Variants in ANKRD36C observed in about 807,000 individuals in gnomAD.
The protein encoded by ANKRD36C is ankyrin repeat domain-containing protein 36C.
Under a neutral mutation model 276.4 loss-of-function variants are expected in ANKRD36C, and 61 were observed. The observed-to-expected ratio is 0.22, with a 90% CI of 0.18 to 0.27. The LOEUF (loss-of-function observed/expected upper bound fraction) is 0.27, where lower values mean the gene tolerates loss of function less well. Among genes scored for constraint, ANKRD36C ranks in the 10% least tolerant of loss-of-function variants. The pLI, the probability that ANKRD36C is intolerant of heterozygous loss-of-function variation, is 1.00. For synonymous variants in ANKRD36C, 483 were observed against 680.1 expected, an observed-to-expected ratio of 0.71 and a Z score of 4.51; for missense variants, 1,447 against 2,032.3, an observed-to-expected ratio of 0.71 and a Z score of 5.54.
chr2:95,944,938 G>C (rs936617681), intron 18 of ANKRD36C, among the ~76,000 whole-genome samples, 176 bp downstream of exon 18: 2 of 152,298 alleles, frequency 1.3e-5, no homozygotes, highest in African/African-American at 4.8e-5. Context: ...TCGGGAGGCT[G>C]AGGCAGGAGA....
intron 34 of ANKRD36C, 27 bp downstream of exon 36, chr2:95,919,706 T>C: frequency 1.3e-6 from 1 of 741,264 alleles, no homozygotes; most frequent in Non-Finnish European, 1.6e-6. Flanking sequence ...GGATTGAACA[T>C]GACATTGAAT....
chr2:95,890,346 T>C (rs530099551), intron 46 of ANKRD36C, among the ~76,000 whole-genome samples: 1 of 151,664 alleles, frequency 6.6e-6, no homozygotes, highest in South Asian at 2.1e-4. Flanking sequence ...AAGCAGGTGC[T>C]ACAGGATCCC....
chr2:95,855,636 G>A (rs1468797841), exon 63 of ANKRD36C: 2 of 1,611,132 alleles, frequency 1.2e-6, no homozygotes, highest in South Asian at 2.2e-5. Context: ...AAAAACCAAA[G>A]CCTTTTCTTT....
At chr2:95,927,045 GATC>G (rs1378026861) in intron 28 of ANKRD36C, among the ~76,000 whole-genome samples, 166 bp downstream of exon 28, 4 of 151,492 alleles carry the variant, frequency 2.6e-5, no homozygotes, top group African/African-American at 9.7e-5. Flanking sequence ...TTACTGCAAA[GATC>G]ATGTCAAAGA....
At chr2:95,902,491 A>T (rs1252469684) in intron 42 of ANKRD36C, among the ~76,000 whole-genome samples, 5 of 150,530 alleles carry the variant, frequency 3.3e-5, no homozygotes, top group Admixed American at 6.6e-5. Flanking sequence ...AACAGTGTCT[A>T]CGGGTTGTTA....
intron 6 of ANKRD36C, among the ~76,000 whole-genome samples, chr2:95,976,653 C>G (rs1678815317): frequency 6.6e-6 from 1 of 152,130 alleles, no homozygotes; most frequent in African/African-American, 2.4e-5. Flanking sequence ...TCTGCAGTTA[C>G]AAAAGGGTTA....
Position 95,855,756 on chromosome 2 carries a change from A to C in ANKRD36C, c.4505T>G (p.Leu1502Ter). 6.2e-7 allele frequency: 1 copy of C among 1,613,858 alleles called. No individual in the cohort carries two copies. Reference sequence around the variant, plus strand: ...AACATGAGAATTCAAATTTTCCTGTAAATGACAACATTTATCTACTGTGCC... The same window carrying C: ...AACATGAGAATTCAAATTTTCCTGTCAATGACAACATTTATCTACTGTGCC... The change falls in exon 63 of 67, where the codon TTA (leucine) becomes TGA (stop). Residue 1502 changes from leucine (L) to a stop codon, truncating the protein, a stop_gained. Coordinates refer to ENST00000456556, the Ensembl canonical transcript of ANKRD36C. LOFTEE classifies it high-confidence loss of function.
intron 59 of ANKRD36C, among the ~76,000 whole-genome samples, chr2:95,872,331 G>C (rs925812266): frequency 6.6e-6 from 1 of 151,348 alleles, no homozygotes; most frequent in Non-Finnish European, 1.5e-5. Flanking sequence ...AGACCACAGT[G>C]CAATCAAACT....
intron 20 of ANKRD36C, among the ~76,000 whole-genome samples, chr2:95,940,097 C>T (rs1211887920): frequency 5.9e-5 from 9 of 152,274 alleles, no homozygotes; most frequent in Non-Finnish European, 1.3e-4. Context: ...CGGCTCACAG[C>T]AACCTCCGCC....
At chr2:95,926,814 G>A (rs549084057) in intron 28 of ANKRD36C, among the ~76,000 whole-genome samples, 115 of 151,508 alleles carry the variant, frequency 7.6e-4, no homozygotes, top group African/African-American at 2.5e-3. Flanking sequence ...CTTAGCTCTC[G>A]TTCTACAGTG....
chr2:95,865,981 A>G (rs1675676256), intron 60 of ANKRD36C, among the ~76,000 whole-genome samples: 5 of 152,076 alleles, frequency 3.3e-5, no homozygotes, highest in Admixed American at 3.3e-4. Context: ...AGAAATAGAT[A>G]ACACATAAGC....
chr2:95,872,542 TA>T (rs1263427653), intron 59 of ANKRD36C, among the ~76,000 whole-genome samples: 1 of 151,886 alleles, frequency 6.6e-6, no homozygotes, highest in Non-Finnish European at 1.5e-5. Context: ...TTTATAGCAC[TA>T]AATGCCCACA....
chr2:95,883,140 G>T (rs1481046535), intron 54 of ANKRD36C, among the ~76,000 whole-genome samples: 1 of 152,016 alleles, frequency 6.6e-6, no homozygotes, highest in Non-Finnish European at 1.5e-5. Context: ...CTACAGAAAG[G>T]TTCTTCATCC....
At chr2:95,849,507 G>C (rs968833058), downstream of ANKRD36C, among the ~76,000 whole-genome samples, 1 of 152,196 alleles carries the variant, frequency 6.6e-6, no homozygotes, top group Non-Finnish European at 1.5e-5. Flanking sequence ...TTCCACAGAT[G>C]GGGGTTTGGG....
chr2:95,975,118 G>T (rs988361802), intron 6 of ANKRD36C, among the ~76,000 whole-genome samples: 8 of 152,124 alleles, frequency 5.3e-5, no homozygotes, highest in Non-Finnish European at 8.8e-5. Context: ...ACTGCTCAAT[G>T]AAATAAAAGA....
chr2:95,980,635 T>G lies in ANKRD36C; in HGVS notation c.731+13A>C. ...AATTTAGTGTTCATTAGCCTTTTTA[T>G]GTAAAGACTTACACTCTGTTCTTAG... is the stretch of plus-strand genomic sequence containing the variant. On this transcript the variant is annotated intron_variant, in intron 5 of 66. Coordinates refer to ENST00000456556, the Ensembl canonical transcript of ANKRD36C. 6.2e-7 allele frequency: 1 copy of G among 1,608,388 alleles called. No individual in the cohort carries two copies.
At chr2:95,852,362 A>G in intron 64 of ANKRD36C, 166 bp from the exon 85 acceptor site, 1 of 628,418 alleles carries the variant, frequency 1.6e-6, no homozygotes, top group South Asian at 2.1e-5. Context: ...TGTTTTTTGT[A>G]ATTAATTTTA....
At chr2:95,908,878 G>A (rs1207472842) in intron 42 of ANKRD36C, among the ~76,000 whole-genome samples, 181 bp from the exon 47 acceptor site, 1 of 151,252 alleles carries the variant, frequency 6.6e-6, no homozygotes, top group Non-Finnish European at 1.5e-5. Context: ...AGGGAATACA[G>A]GCTCCACGAA....
Position 95,886,264 on chromosome 2 carries a change from C to G in ANKRD36C, c.3062-20G>C. The G allele has an allele frequency of 7.9e-7, 1 of 1,265,634 alleles. No homozygotes were observed. The highest frequency in any genetic ancestry group is 1.1e-6 in the Non-Finnish European group (1 of 905,950). The allele number at this position is 1,265,634 out of a possible 1,614,324, so 78.4% of individuals were successfully genotyped here. A position where few individuals can be genotyped will look rare whatever the true frequency, so the allele number is the denominator to read the frequency against. Reference sequence around the variant, plus strand: ...AAGACACTGAAAAGCAAAACAGATACATAATCACTCATATGTGCATATGAT... The same window carrying G: ...AAGACACTGAAAAGCAAAACAGATAGATAATCACTCATATGTGCATATGAT... On this transcript the variant is annotated intron_variant, in intron 50 of 66. Transcript: ENST00000456556.
Sources: gnomAD v4.1 joint callset for allele counts (sites outside exome capture counted in the v4.1 genomes callset) on GRCh38, gnomAD v4.1.1 for gene constraint, MANE v1.5 for transcripts, NCBI Gene and HGNC (gene_info 2026-07-23, HGNC 2026-07-21) for gene names.